The following TG variants were observed in gnomAD, a reference collection of about 807,000 sequenced individuals.
TG encodes the protein thyroglobulin, also known as thyroid hormones.
TG carries 270 observed loss-of-function variants against 324.7 expected under a neutral mutation model. The observed-to-expected ratio is 0.83, with a 90% CI of 0.75 to 0.92. The LOEUF (loss-of-function observed/expected upper bound fraction) is 0.92, where lower values mean the gene tolerates loss of function less well. Among genes scored for constraint, TG ranks in the 40% least tolerant of loss-of-function variants. The pLI, the probability that TG is intolerant of heterozygous loss-of-function variation, is 0.00. For missense variants in TG, 3,591 were observed against 3,456.4 expected (o/e 1.04, Z -0.98); for synonymous variants, 1,401 against 1,327.0 (o/e 1.06, Z -1.21).
intron 45 of TG, among the ~76,000 whole-genome samples, chr8:133,126,745 C>A (rs1021193354): frequency 6.6e-6 from 1 of 151,670 alleles, no homozygotes; most frequent in Non-Finnish European, 1.5e-5. Flanking sequence ...AAGAGAGGCA[C>A]GCTTATAAGC....
rs1481851413 is a variant in TG, at chr8:132,912,935, G to A, written c.4160-112G>A. 12 of 1,001,336 alleles carry A rather than the reference G, an allele frequency of 1.2e-5. No individual in the cohort carries two copies. In the East Asian group the frequency reaches 2.6e-4, roughly 22 times the overall value. The allele number at this position is 1,001,336 out of a possible 1,614,324, so 62.0% of individuals were successfully genotyped here. On this transcript the variant is annotated intron_variant, in intron 19 of 47. Transcript: ENST00000220616. ...TCTGTAAAATGAGACACCACATGAT[G>A]CCTATGTCTCATTCCAGTCTGGATA...
intron 26 of TG, among the ~76,000 whole-genome samples, chr8:132,945,090 A>C (rs774725537): frequency 2.0e-5 from 3 of 152,212 alleles, no homozygotes; most frequent in African/African-American, 4.8e-5. Context: ...TGAATGTTTT[A>C]AGCAAGGAAG....
chr8:132,916,950 T>C (rs998780793), intron 20 of TG, among the ~76,000 whole-genome samples: 1 of 151,678 alleles, frequency 6.6e-6, no homozygotes, highest in Admixed American at 6.6e-5. Flanking sequence ...GCTTACCTAC[T>C]TTCCTTCCTT....
At chr8:133,034,628 C>T (rs1313463029) in intron 41 of TG, among the ~76,000 whole-genome samples, 5 of 152,016 alleles carry the variant, frequency 3.3e-5, no homozygotes, top group Admixed American at 1.3e-4. Context: ...ACTAAAGCAG[C>T]TTAGTGGATA....
chr8:133,116,986 CT>C (rs1338777228), intron 45 of TG, among the ~76,000 whole-genome samples: 1 of 152,142 alleles, frequency 6.6e-6, no homozygotes, highest in Non-Finnish European at 1.5e-5. Flanking sequence ...AGAGAGGAGG[CT>C]TTTTCATTTA....
intron 16 of TG, among the ~76,000 whole-genome samples, chr8:132,903,746 C>T (rs542799996): frequency 5.9e-5 from 9 of 152,248 alleles, no homozygotes; most frequent in South Asian, 2.1e-4. Flanking sequence ...GAGAGGCAGG[C>T]GGCAGACAGA....
chr8:132,981,743 T>C (rs1830879574), intron 34 of TG, among the ~76,000 whole-genome samples: 1 of 152,180 alleles, frequency 6.6e-6, no homozygotes, highest in Non-Finnish European at 1.5e-5. Flanking sequence ...CAGCAAGGTG[T>C]GTGTTACCAT....
In TG at chr8:133,050,778, G is replaced by C. The variant is rs190680199; in HGVS notation, c.7239+20755G>C. On this transcript the variant is annotated intron_variant, in intron 41 of 47. Coordinates refer to ENST00000220616, the MANE Select transcript of TG (RefSeq NM_003235.5). ...TTTTCTCCCAAACCAAGTTTATCCT[G>C]CTTTGAAGATTGCACAAGTTTTGGA... 1,638 of 1,307,642 alleles carry C rather than the reference G, an allele frequency of 1.3e-3. 1 individual carries two copies. The highest frequency in any genetic ancestry group is 1.6e-3 in the Non-Finnish European group (1,444 of 900,230). The allele number at this position is 1,307,642 out of a possible 1,614,324, so 81.0% of individuals were successfully genotyped here. A position where few individuals can be genotyped will look rare whatever the true frequency, so the allele number is the denominator to read the frequency against.
chr8:132,962,607 A>G (rs1193652202), intron 28 of TG, among the ~76,000 whole-genome samples: 1 of 152,170 alleles, frequency 6.6e-6, no homozygotes, highest in Non-Finnish European at 1.5e-5. Flanking sequence ...TTTCTAATTC[A>G]TTTACTGGCC....
intron 15 of TG, among the ~76,000 whole-genome samples, chr8:132,901,048 C>A (rs1817849126): frequency 6.6e-6 from 1 of 152,216 alleles, no homozygotes; most frequent in African/African-American, 2.4e-5. Context: ...CTGTAGGCTC[C>A]TACACTGCAC....
chr8:132,911,868 G>A (rs575969025), intron 19 of TG, among the ~76,000 whole-genome samples: 37 of 152,260 alleles, frequency 2.4e-4, no homozygotes, highest in Admixed American at 5.2e-4. Context: ...CTTATGTCTC[G>A]TCTGTTTCTA....
In TG at chr8:132,948,632, C is replaced by G. The variant is rs1825684582; in HGVS notation, c.5234-144C>G. On this transcript the variant is annotated intron_variant, in intron 26 of 47. Coordinates refer to ENST00000220616, the MANE Select transcript of TG (RefSeq NM_003235.5). ...CAGGCAGGATTGTCTCAATTTAAAA[C>G]CAGGCTCTTGAATTCTAGTGTCTAT... is the stretch of plus-strand genomic sequence containing the variant. The G allele has an allele frequency of 4.2e-6, 4 of 961,870 alleles. No individual in the cohort carries two copies. The East Asian group carries it at 9.6e-5, about 23-fold the overall frequency. 59.6% of individuals were successfully genotyped at this position (961,870 alleles called of 1,614,324 possible). A position where few individuals can be genotyped will look rare whatever the true frequency, so the allele number is the denominator to read the frequency against.
In TG at chr8:132,933,547, C is replaced by T. The variant is rs1211969215; in HGVS notation, c.4817-14C>T. ...GGGAAAGCCAGGTGAGTGACCGTCC[C>T]ATGGTGCTTGCAGATTGCACAGAGG... On this transcript the variant is annotated splice_polypyrimidine_tract_variant and intron_variant, in intron 23 of 47. Coordinates refer to ENST00000220616, the MANE Select transcript of TG (RefSeq NM_003235.5). 6.2e-7 allele frequency: 1 copy of T among 1,613,258 alleles called. No individual in the cohort carries two copies. The highest frequency in any genetic ancestry group is 1.1e-5 in the South Asian group (1 of 91,060).
At chr8:133,060,234 C>A (rs375775477) in intron 41 of TG, 117 of 1,612,694 alleles carry the variant, frequency 7.3e-5, no homozygotes, top group Non-Finnish European at 9.4e-5. Context: ...GAAAGTCAAC[C>A]GTGCCCTGAG....
chr8:133,121,979 T>C (rs1464829694), intron 45 of TG, among the ~76,000 whole-genome samples: 1 of 152,172 alleles, frequency 6.6e-6, no homozygotes, highest in African/African-American at 2.4e-5. Context: ...TCTCTCTCTC[T>C]GCCCCGGAGC....
chr8:132,901,062 T>C (rs376012956), intron 15 of TG, among the ~76,000 whole-genome samples: 1 of 152,212 alleles, frequency 6.6e-6, no homozygotes, highest in East Asian at 1.9e-4. Flanking sequence ...ACTGCACTAT[T>C]GTTGCCTTTA....
At chr8:132,882,290 G>A (rs1210203290) in intron 6 of TG, among the ~76,000 whole-genome samples, 179 bp from the exon 7 acceptor site, 1 of 152,224 alleles carries the variant, frequency 6.6e-6, no homozygotes, top group East Asian at 1.9e-4. Flanking sequence ...TTGTTTCTAT[G>A]AACAGCCTGC....
rs151186059 is a variant in TG at position 132,898,199 on chromosome 8, G to T, written c.3170G>T (p.Gly1057Val). 5 of 1,605,606 alleles carry T rather than the reference G, an allele frequency of 3.1e-6. No individual in the cohort carries two copies. The highest frequency in any genetic ancestry group is 1.7e-5 in the Admixed American group (1 of 59,290). The change falls in exon 13 of 48, where the codon GGG (glycine) becomes GTG (valine). Residue 1057 changes from glycine (G) to valine (V), a missense_variant. Physicochemically the swap from Gly to Val is moderately radical, Grantham distance 109. Coordinates refer to ENST00000220616, the MANE Select transcript of TG (RefSeq NM_003235.5). The stretch of plus-strand genomic sequence containing the variant: ...TGCTGGTGTGTAGATGAGAAAGGAG[G>T]GTTCATCCCTGGCTCACTGACTGCC... ...GHCWCVDEKGGFIPGSLTARS... is the reference protein window; with the variant it reads ...GHCWCVDEKGVFIPGSLTARS...
intron 43 of TG, among the ~76,000 whole-genome samples, chr8:133,112,920 T>C (rs1850380699): frequency 6.6e-6 from 1 of 152,186 alleles, no homozygotes; most frequent in Non-Finnish European, 1.5e-5. Context: ...CTGCTGGCCC[T>C]GGTGAAGCGT....
Sources: gnomAD v4.1 joint callset for allele counts (sites outside exome capture counted in the v4.1 genomes callset) on GRCh38, gnomAD v4.1.1 for gene constraint, MANE v1.5 for transcripts, NCBI Gene and HGNC (gene_info 2026-07-23, HGNC 2026-07-21) for gene names.